Variants in UNC5D observed in about 807,000 individuals in gnomAD.
UNC5D encodes unc-5 netrin receptor D.
Under a neutral mutation model 105.4 loss-of-function variants are expected in UNC5D, and 39 were observed. The ratio of observed to expected loss-of-function variants is 0.37; its 90% CI spans 0.29 to 0.48. UNC5D has a LOEUF of 0.48. Among genes scored for constraint, UNC5D ranks in the 20% least tolerant of loss-of-function variants. UNC5D has a pLI of 0.98. For missense variants in UNC5D, 991 were observed against 1,202.4 expected, an observed-to-expected ratio of 0.82 and a Z score of 2.60; for synonymous variants, 452 against 450.4, an observed-to-expected ratio of 1.00 and a Z score of -0.04.
intron 4 of UNC5D, among the ~76,000 whole-genome samples, chr8:35,670,747 A>G (rs1824735489): frequency 6.6e-6 from 1 of 151,826 alleles, no homozygotes. Context: ...ATTAGGACAA[A>G]TACCTAATGC....
intron 2 of UNC5D, among the ~76,000 whole-genome samples, chr8:35,564,097 A>G (rs1242015154): frequency 6.6e-6 from 1 of 152,088 alleles, no homozygotes; most frequent in Non-Finnish European, 1.5e-5. Flanking sequence ...TGATTTTGGT[A>G]TCAGGGTAAT....
chr8:35,631,035 G>T (rs757911769), intron 4 of UNC5D, among the ~76,000 whole-genome samples: 3 of 152,184 alleles, frequency 2.0e-5, no homozygotes, highest in Non-Finnish European at 4.4e-5. Context: ...GGCCTGGGCC[G>T]GGCACAGTGG....
At position 35,791,645 on chromosome 8, in the gene UNC5D, C is replaced by G. The variant is rs1803049776; in HGVS notation, c.*1082C>G. On this transcript the variant is annotated 3_prime_UTR_variant, in exon 17 of 17. Coordinates refer to ENST00000404895, the MANE Select transcript of UNC5D (RefSeq NM_080872.4). ...GCTATATGTGATCCTCATTTTGCCT[C>G]TTGGGAAATTAGCAGATAGTCTTTG... The G allele has an allele frequency of 2.6e-5, 4 of 152,142 alleles. No individual in the cohort carries two copies. In the South Asian group the frequency reaches 8.3e-4, roughly 32 times the overall value. 9.4% of individuals were successfully genotyped at this position (152,142 alleles called of 1,614,324 possible).
chr8:35,724,286 T>C (rs1228667509), intron 9 of UNC5D: 2 of 1,534,814 alleles, frequency 1.3e-6, no homozygotes, highest in South Asian at 2.4e-5. Flanking sequence ...ACAAGAAAAA[T>C]CCTTTGGTAA....
At chr8:35,746,989 T>G (rs1830040186) in intron 11 of UNC5D, among the ~76,000 whole-genome samples, 1 of 152,204 alleles carries the variant, frequency 6.6e-6, no homozygotes, top group African/African-American at 2.4e-5. Flanking sequence ...GCTAATACAC[T>G]GCTTTCCAGT....
intron 4 of UNC5D, among the ~76,000 whole-genome samples, chr8:35,662,711 T>C (rs536592051): frequency 3.3e-4 from 51 of 152,304 alleles, no homozygotes; most frequent in African/African-American, 1.1e-3. Flanking sequence ...AAACGGTCAC[T>C]CTGCAGTCAC....
At chr8:35,501,581 G>A (rs1563478006) in intron 1 of UNC5D, among the ~76,000 whole-genome samples, 1 of 152,166 alleles carries the variant, frequency 6.6e-6, no homozygotes, top group African/African-American at 2.4e-5. Context: ...GAAGGCAGAT[G>A]TTATAAAACA....
chr8:35,516,535 TGCCATCAATA>T (rs1732638985), intron 1 of UNC5D, among the ~76,000 whole-genome samples: 1 of 152,236 alleles, frequency 6.6e-6, no homozygotes, highest in Non-Finnish European at 1.5e-5. Flanking sequence ...TCCTACATCA[TGCCATCAATA>T]GATGGAAGCC....
At chr8:35,737,166 G>A (rs1829511668) in intron 11 of UNC5D, among the ~76,000 whole-genome samples, 1 of 151,772 alleles carries the variant, frequency 6.6e-6, no homozygotes. Flanking sequence ...AGATTTTAAT[G>A]TTTCTAAATC....
chr8:35,548,062 C>T (rs1374037280), intron 1 of UNC5D, among the ~76,000 whole-genome samples: 1 of 152,150 alleles, frequency 6.6e-6, no homozygotes, highest in African/African-American at 2.4e-5. Context: ...TTATTCTGGC[C>T]ATGCTGGCAG....
chr8:35,409,514 T>C (rs1292087557), intron 1 of UNC5D, among the ~76,000 whole-genome samples: 4 of 151,938 alleles, frequency 2.6e-5, no homozygotes, highest in Non-Finnish European at 1.5e-5. Context: ...TGAGGATTTT[T>C]AATATGCTTA....
intron 1 of UNC5D, among the ~76,000 whole-genome samples, chr8:35,380,298 C>A (rs966984648): frequency 6.6e-6 from 1 of 151,098 alleles, no homozygotes; most frequent in Non-Finnish European, 1.5e-5. Flanking sequence ...CTATGAGGAC[C>A]CCACTCTCTG....
intron 1 of UNC5D, among the ~76,000 whole-genome samples, chr8:35,378,523 C>A (rs1303203401): frequency 2.6e-5 from 4 of 152,162 alleles, no homozygotes; most frequent in African/African-American, 9.7e-5. Context: ...TGAGACCCTG[C>A]CCTACCCTGT....
At position 35,391,777 on chromosome 8, in the gene UNC5D, A is replaced by G. The variant is rs1445841843; in HGVS notation, c.103+155890A>G. On this transcript the variant is annotated intron_variant, in intron 1 of 16. Transcript: ENST00000404895. ...GTCTCGCAAAGTGAGGATGATTAGA[A>G]CTGGCAGTTCTTGGCATAAAAACTT... Among the ~76,000 whole-genome samples the G allele has an allele frequency of 2.6e-5, 4 of 152,316 alleles. No homozygotes were observed. In the East Asian group the frequency reaches 7.7e-4, roughly 29 times the overall value.
intron 4 of UNC5D, among the ~76,000 whole-genome samples, chr8:35,617,195 C>A (rs1035447801): frequency 2.6e-5 from 4 of 152,174 alleles, no homozygotes; most frequent in African/African-American, 4.8e-5. Flanking sequence ...TGCTGGTGAT[C>A]CTTTGCTGTG....
chr8:35,481,924 T>C (rs1316492371), intron 1 of UNC5D, among the ~76,000 whole-genome samples: 1 of 152,206 alleles, frequency 6.6e-6, no homozygotes, highest in Non-Finnish European at 1.5e-5. Flanking sequence ...AGCCTGATGA[T>C]TTAGTTATCC....
intron 1 of UNC5D, among the ~76,000 whole-genome samples, chr8:35,289,153 G>A (rs1045880976): frequency 2.0e-5 from 3 of 152,088 alleles, no homozygotes; most frequent in Admixed American, 2.0e-4. Flanking sequence ...TGAAAGAGAA[G>A]GGATGGAAAA....
chr8:35,593,138 A>G (rs370061889), intron 3 of UNC5D, among the ~76,000 whole-genome samples: 5 of 151,858 alleles, frequency 3.3e-5, no homozygotes, highest in Non-Finnish European at 7.4e-5. Context: ...GTATTTACTT[A>G]CCTATTTTGC....
intron 6 of UNC5D, among the ~76,000 whole-genome samples, chr8:35,686,202 C>T (rs961198222): frequency 3.9e-5 from 6 of 152,260 alleles, no homozygotes; most frequent in Admixed American, 2.0e-4. Flanking sequence ...TTACTGCACA[C>T]AGTTTATCTG....
Sources: gnomAD v4.1 joint callset for allele counts (sites outside exome capture counted in the v4.1 genomes callset) on GRCh38, gnomAD v4.1.1 for gene constraint, MANE v1.5 for transcripts, NCBI Gene and HGNC (gene_info 2026-07-23, HGNC 2026-07-21) for gene names.